TSHZ2: variants seen among roughly 807,000 people sequenced by gnomAD.
TSHZ2 encodes the protein teashirt zinc finger homeobox 2.
A neutral mutation model predicts 74.4 loss-of-function variants in TSHZ2; 21 were observed. The ratio of observed to expected loss-of-function variants is 0.28; its 90% confidence interval spans 0.20 to 0.41. The LOEUF (loss-of-function observed/expected upper bound fraction) is 0.41. TSHZ2 is among the 10% of genes least tolerant of loss of function. The probability of loss-of-function intolerance (pLI) is 1.00; values close to 1 mark genes in which losing one functional copy is unlikely to be tolerated. For missense variants in TSHZ2, 1,244 were observed against 1,293.5 expected (o/e 0.96, Z 0.59); for synonymous variants, 540 against 515.3 (o/e 1.05, Z -0.65).
At chr20:53,249,377 G>A (rs1474636033) in intron 1 of TSHZ2, among the ~76,000 whole-genome samples, 1 of 152,164 alleles carries the variant, frequency 6.6e-6, no homozygotes, top group Admixed American at 6.5e-5. Flanking sequence ...GCACTGGGGA[G>A]GAGCATTCTG....
At chr20:53,137,325 T>C (rs1987271869) in intron 1 of TSHZ2, among the ~76,000 whole-genome samples, 3 of 145,746 alleles carry the variant, frequency 2.1e-5, no homozygotes, top group Admixed American at 1.4e-4. Context: ...TTCTAAACAC[T>C]GTGTATCAAG....
At chr20:53,154,863 C>T (rs189298019) in intron 1 of TSHZ2, among the ~76,000 whole-genome samples, 238 of 152,246 alleles carry the variant, frequency 1.6e-3, no homozygotes, top group Non-Finnish European at 2.8e-3. Context: ...AAAAACTATC[C>T]TTTGCTTATG....
At chr20:53,279,870 G>A (rs1280030249) in intron 2 of TSHZ2, among the ~76,000 whole-genome samples, 2 of 152,138 alleles carry the variant, frequency 1.3e-5, no homozygotes, top group Non-Finnish European at 2.9e-5. Context: ...AGGACTGAGG[G>A]AGCCACAAAT....
intron 2 of TSHZ2, among the ~76,000 whole-genome samples, chr20:53,461,759 A>C (rs145635155): frequency 1.3e-5 from 2 of 152,178 alleles, no homozygotes; most frequent in African/African-American, 4.8e-5. Flanking sequence ...TTCTGGTCTA[A>C]AATTAACATC....
chr20:53,255,604 C>A lies in TSHZ2; in HGVS notation c.2146C>A (p.Pro716Thr). The change falls in exon 2 of 3, where the codon CCT (proline) becomes ACT (threonine). Residue 716 changes from proline (P) to threonine (T), a missense_variant. Physicochemically the swap from Pro to Thr is conservative, Grantham distance 38 (BLOSUM62 -1). Around this residue, in one of 6 missense-constraint regions of TSHZ2, gnomAD observed 562 missense variants for 544.0 expected, o/e 1.03. Coordinates refer to ENST00000371497, the MANE Select transcript of TSHZ2 (RefSeq NM_173485.6). This position sits in a 1 kb window ranked among gnomAD's most constrained non-coding sequence, Gnocchi z 4.1. ...LGKATEPLRS[P>T]SCSSPSSSTI... ...CAAAGCCACGGAGCCCTTGCGCTCA[C>A]CTTCCTGCTCCAGCCCAAGTTCAAG... 1 of 1,583,832 alleles carries A rather than the reference C, an allele frequency of 6.3e-7. No homozygotes were observed. Among genetic ancestry groups the A allele is most frequent in the Non-Finnish European group, 8.6e-7 (1 of 1,165,316 alleles).
At chr20:53,159,765 T>C (rs1348851819) in intron 1 of TSHZ2, among the ~76,000 whole-genome samples, 1 of 152,194 alleles carries the variant, frequency 6.6e-6, no homozygotes, top group Non-Finnish European at 1.5e-5. Flanking sequence ...GACAGTAAAT[T>C]TATTCATTCA....
intron 2 of TSHZ2, among the ~76,000 whole-genome samples, chr20:53,416,892 A>G (rs965840472): frequency 3.9e-5 from 6 of 152,234 alleles, no homozygotes; most frequent in African/African-American, 1.4e-4. Flanking sequence ...ATTTGGTTCA[A>G]TCCTTTGGAG....
intron 2 of TSHZ2, among the ~76,000 whole-genome samples, chr20:53,435,944 A>C (rs550075952): frequency 6.6e-6 from 1 of 152,364 alleles, no homozygotes; most frequent in African/African-American, 2.4e-5. Flanking sequence ...GATGGGCATG[A>C]TAATACCCCA....
chr20:53,154,998 A>T (rs1365715524), intron 1 of TSHZ2, among the ~76,000 whole-genome samples: 1 of 151,990 alleles, frequency 6.6e-6, no homozygotes, highest in African/African-American at 2.4e-5. Flanking sequence ...TGAAAAAAAA[A>T]TAGTTAATAT....
intron 1 of TSHZ2, among the ~76,000 whole-genome samples, chr20:53,008,557 C>CTTT (rs34485556): frequency 9.2e-4 from 135 of 146,026 alleles, no homozygotes; most frequent in African/African-American, 3.2e-3. Context: ...TTATAATCAC[C>CTTT]TTTTTTTTTT....
intron 1 of TSHZ2, among the ~76,000 whole-genome samples, chr20:53,152,009 A>C (rs1274916958): frequency 6.6e-6 from 1 of 151,990 alleles, no homozygotes; most frequent in African/African-American, 2.4e-5. Flanking sequence ...ACTCGAGGGC[A>C]AGGTTGCTGT....
rs1196692956 is a variant in TSHZ2, at chr20:53,474,983, T to C, written c.*9-12161T>C. On this transcript the variant is annotated intron_variant, in intron 2 of 2. Coordinates refer to ENST00000371497, the MANE Select transcript of TSHZ2 (RefSeq NM_173485.6). Reference sequence around the variant, plus strand: ...CTATCCTAAATATATATGCACCCAATACAGGAGCACCCAGATTCATAAAGC... The same window carrying C: ...CTATCCTAAATATATATGCACCCAACACAGGAGCACCCAGATTCATAAAGC... Among the ~76,000 whole-genome samples the C allele has an allele frequency of 6.5e-5, 9 of 138,648 alleles. 2 individuals are homozygous for C. Among genetic ancestry groups the C allele is most frequent in the African/African-American group, 5.6e-5 (2 of 35,532 alleles). 91.0% of individuals were successfully genotyped at this position (138,648 alleles called of 152,430 possible).
chr20:53,300,921 TACAG>T (rs1398763535), intron 2 of TSHZ2, among the ~76,000 whole-genome samples: 2 of 152,208 alleles, frequency 1.3e-5, no homozygotes, highest in Non-Finnish European at 1.5e-5. Context: ...TAGGAGGACT[TACAG>T]ACAGAGTGAT....
chr20:53,055,593 T>C (rs1984613658), intron 1 of TSHZ2, among the ~76,000 whole-genome samples: 3 of 152,218 alleles, frequency 2.0e-5, no homozygotes, highest in Admixed American at 6.5e-5. Context: ...TTACTCCTCC[T>C]CTCGTTGGAA....
chr20:53,228,457 G>C (rs577553794), intron 1 of TSHZ2, among the ~76,000 whole-genome samples: 37 of 152,338 alleles, frequency 2.4e-4, no homozygotes, highest in African/African-American at 8.9e-4. Flanking sequence ...CTTATAAGCA[G>C]TAAAATAGCT....
At chr20:53,396,631 G>C (rs1982458011) in intron 2 of TSHZ2, among the ~76,000 whole-genome samples, 2 of 152,060 alleles carry the variant, frequency 1.3e-5, no homozygotes, top group Non-Finnish European at 2.9e-5. Context: ...TGGATCACTT[G>C]AGCTCAGGAG....
chr20:53,408,838 A>G (rs1568904599), intron 2 of TSHZ2, among the ~76,000 whole-genome samples: 1 of 152,172 alleles, frequency 6.6e-6, no homozygotes, highest in Non-Finnish European at 1.5e-5. Context: ...GTCTGTTTCA[A>G]CTGAGCAGTG....
intron 1 of TSHZ2, among the ~76,000 whole-genome samples, chr20:53,052,338 C>A (rs957906721): frequency 1.3e-5 from 2 of 152,174 alleles, no homozygotes; most frequent in East Asian, 3.9e-4. Flanking sequence ...GGCTCCACAG[C>A]AGGAAGTGAG....
chr20:53,145,575 T>C (rs6022299), intron 1 of TSHZ2, among the ~76,000 whole-genome samples: 31,337 of 152,160 alleles, frequency 0.21, 3,711 homozygotes, highest in Admixed American at 0.27. Context: ...GGAGCTTCCT[T>C]GTGCTGGGGA....
Sources: allele counts gnomAD v4.1 joint callset (sites outside exome capture counted in the v4.1 genomes callset), GRCh38; gene constraint gnomAD v4.1.1; regional missense constraint gnomAD v4.1.1; non-coding constraint Gnocchi (gnomAD v3.1); transcripts MANE v1.5; gene names NCBI Gene and HGNC (gene_info 2026-07-23, HGNC 2026-07-21).